HEBP2: variants seen among roughly 807,000 people sequenced by gnomAD.
HEBP2 encodes heme-binding protein 2.
HEBP2 carries 27 observed loss-of-function variants against 23.1 expected under a neutral mutation model. That is an observed-to-expected ratio of 1.17 (90% CI 0.86 to 1.61). The LOEUF (loss-of-function observed/expected upper bound fraction) is 1.61. Ranked by LOEUF, HEBP2 falls within the 40% of genes most tolerant of loss-of-function variation. The pLI is 0.00. For synonymous variants in HEBP2, 99 were observed against 95.1 expected, an observed-to-expected ratio of 1.04 and a Z score of -0.24; for missense variants, 245 against 253.8, an observed-to-expected ratio of 0.97 and a Z score of 0.24.
chr6:138,415,963 G>A lies in HEBP2; in HGVS notation c.*2885G>A, dbSNP rs1774835064. The A allele has an allele frequency of 6.6e-6, 1 of 152,270 alleles. No homozygotes were observed. The highest frequency in any genetic ancestry group is 1.5e-5 in the Non-Finnish European group (1 of 68,136). The allele number at this position is 152,270 out of a possible 1,614,324, so 9.4% of individuals were successfully genotyped here. On this transcript the variant is annotated 3_prime_UTR_variant, in exon 4 of 4. Coordinates refer to ENST00000607197, the MANE Select transcript of HEBP2 (RefSeq NM_014320.3). ...CCATGAAGCAAAAGGTGTCCCTCAG[G>A]ACTGGTCCCTCCCCTTCTCCTGGCT...
At chr6:138,404,170 G>T, upstream of HEBP2, 2 of 245,494 alleles carry the variant, frequency 8.1e-6, no homozygotes, top group Non-Finnish European at 1.5e-5. Context: ...AAACAAAGGC[G>T]GGGCGGGGGC....
intron 3 of HEBP2, among the ~76,000 whole-genome samples, chr6:138,412,462 T>C (rs534548354): frequency 6.6e-6 from 1 of 152,236 alleles, no homozygotes; most frequent in African/African-American, 2.4e-5. Flanking sequence ...TTTTTATTTT[T>C]ATTTTTTGAG....
chr6:138,410,015 C>T (rs905506652), intron 3 of HEBP2, among the ~76,000 whole-genome samples: 1 of 152,192 alleles, frequency 6.6e-6, no homozygotes, highest in Non-Finnish European at 1.5e-5. Flanking sequence ...CTCTAGTACT[C>T]TCTTTTTCCT....
chr6:138,403,598 G>C (rs1423645571), upstream of HEBP2: 1 of 458,830 alleles, frequency 2.2e-6, no homozygotes, highest in East Asian at 3.5e-5. Flanking sequence ...GAGCCGTGCC[G>C]GGTCCCCGCC....
At position 138,413,209 on chromosome 6, in the gene HEBP2, A is replaced by AATG; in HGVS notation, c.*132_*134dup. 1.4e-6 allele frequency: 1 copy of AATG among 694,994 alleles called. No individual in the cohort carries two copies. The highest frequency in any genetic ancestry group is 1.8e-5 in the African/African-American group (1 of 55,544). The allele number at this position is 694,994 out of a possible 1,614,324, so 43.1% of individuals were successfully genotyped here. A position where few individuals can be genotyped will look rare whatever the true frequency, so the allele number is the denominator to read the frequency against. On this transcript the variant is annotated 3_prime_UTR_variant, in exon 4 of 4. Transcript: ENST00000607197. ...ACTACTATTAATTAAGCTTATTTCCAATGTGCCTTTTTAATGCTTGAAGTT... is the reference window on the plus strand; with the variant it reads ...ACTACTATTAATTAAGCTTATTTCCAATGATGTGCCTTTTTAATGCTTGAAGTT...
At position 138,421,064 on chromosome 6, in the gene HEBP2, T is replaced by A. The variant is rs1306914459; in HGVS notation, c.*7986T>A. On this transcript the variant is annotated 3_prime_UTR_variant, in exon 4 of 4. Coordinates refer to ENST00000607197, the MANE Select transcript of HEBP2 (RefSeq NM_014320.3). Reference sequence around the variant, plus strand: ...TGGAAGGTAGGTCAGAGCAGGCAACTGAGAGAAACTGTATTACAGTTACCG... The same window carrying A: ...TGGAAGGTAGGTCAGAGCAGGCAACAGAGAGAAACTGTATTACAGTTACCG... The A allele has an allele frequency of 6.6e-6, 1 of 152,184 alleles. No individual in the cohort carries two copies. The highest frequency in any genetic ancestry group is 1.5e-5 in the Non-Finnish European group (1 of 68,042). The allele number at this position is 152,184 out of a possible 1,614,324, so 9.4% of individuals were successfully genotyped here. A position where few individuals can be genotyped will look rare whatever the true frequency, so the allele number is the denominator to read the frequency against.
At position 138,404,471 on chromosome 6, in the gene HEBP2, G is replaced by A. The variant is rs1185446478; in HGVS notation, c.-25G>A. ...TGCGGGGCCTCTGCGCGGCTGACCA[G>A]GCTCCCAGAGCGTCAGCGCCGCCCA... On this transcript the variant is annotated 5_prime_UTR_variant, in exon 1 of 4. Coordinates refer to ENST00000607197, the MANE Select transcript of HEBP2 (RefSeq NM_014320.3). 3 of 1,256,218 alleles carry A rather than the reference G, an allele frequency of 2.4e-6. No individual in the cohort carries two copies. Among genetic ancestry groups the A allele is most frequent in the Non-Finnish European group, 3.0e-6 (3 of 1,000,684 alleles). 77.8% of individuals were successfully genotyped at this position (1,256,218 alleles called of 1,614,324 possible).
chr6:138,404,033 C>G (rs1269374328), upstream of HEBP2, among the ~76,000 whole-genome samples: 1 of 151,870 alleles, frequency 6.6e-6, no homozygotes, highest in East Asian at 1.9e-4. Context: ...GGGACACCCT[C>G]GAGGCGGCTC....
chr6:138,404,363 C>T lies in HEBP2; in HGVS notation c.-133C>T, dbSNP rs969355608. ...ATCGGGTGGGCTCGGGTCTCCAGCC[C>T]GGCCGGGAGGAGGGACCGGGTCTGC... On this transcript the variant is annotated 5_prime_UTR_variant, in exon 1 of 4. Transcript: ENST00000607197. The T allele has an allele frequency of 8.2e-5, 43 of 521,720 alleles. No homozygotes were observed. The highest frequency in any genetic ancestry group is 1.1e-4 in the Non-Finnish European group (39 of 352,870). The allele number at this position is 521,720 out of a possible 1,614,324, so 32.3% of individuals were successfully genotyped here. A position where few individuals can be genotyped will look rare whatever the true frequency, so the allele number is the denominator to read the frequency against.
upstream of HEBP2, chr6:138,403,611 AG>A: frequency 2.2e-6 from 1 of 455,686 alleles, no homozygotes; most frequent in Non-Finnish European, 3.9e-6. Context: ...TCCCCGCCGC[AG>A]GGGACAGTAA....
In HEBP2 at chr6:138,415,402, A is replaced by C. The variant is rs1262642735; in HGVS notation, c.*2324A>C. ...ACAAGAAGGCTGTCCAGTGATGAAGACTTCAGATGAAATGGCATGCTGGTG... is the reference window on the plus strand; with the variant it reads ...ACAAGAAGGCTGTCCAGTGATGAAGCCTTCAGATGAAATGGCATGCTGGTG... On this transcript the variant is annotated 3_prime_UTR_variant, in exon 4 of 4. Transcript: ENST00000607197. 2.0e-5 allele frequency: 3 copies of C among 152,190 alleles called. No individual in the cohort carries two copies. Among genetic ancestry groups the C allele is most frequent in the Non-Finnish European group, 4.4e-5 (3 of 68,058 alleles). 9.4% of individuals were successfully genotyped at this position (152,190 alleles called of 1,614,324 possible). A position where few individuals can be genotyped will look rare whatever the true frequency, so the allele number is the denominator to read the frequency against.
Position 138,406,219 on chromosome 6 carries a change from C to T in HEBP2, c.419+68C>T, listed in dbSNP as rs1242565290. ...ACTTGCGTGCACTCACAGTTTAGCT[C>T]CAATGCAATTTCAAAAGGCTTTTTC... On this transcript the variant is annotated intron_variant, in intron 3 of 3. Coordinates refer to ENST00000607197, the MANE Select transcript of HEBP2 (RefSeq NM_014320.3). 9 of 1,375,364 alleles carry T rather than the reference C, an allele frequency of 6.5e-6. No homozygotes were observed. The East Asian group carries it at 2.1e-4, about 32-fold the overall frequency. The allele number at this position is 1,375,364 out of a possible 1,614,324, so 85.2% of individuals were successfully genotyped here.
Position 138,405,233 on chromosome 6 carries a change from C to G in HEBP2, c.191C>G (p.Thr64Arg). The G allele has an allele frequency of 6.2e-7, 1 of 1,614,154 alleles. No individual in the cohort carries two copies. Among genetic ancestry groups the G allele is most frequent in the South Asian group, 1.1e-5 (1 of 91,080 alleles). Residue 64 changes from threonine (T) to arginine (R), a missense_variant, in exon 2 of 4, where the codon ACG (threonine) becomes AGG (arginine). Coordinates refer to ENST00000607197, the MANE Select transcript of HEBP2 (RefSeq NM_014320.3). Reference protein sequence around the residue: ...ESMDWDSAIQTGFTKLNSYIQ... With the variant: ...ESMDWDSAIQRGFTKLNSYIQ... ...ATGGACTGGGATTCAGCCATCCAGACGGGCTTTACGAAACTGAACAGCTAC... is the reference window on the plus strand; with the variant it reads ...ATGGACTGGGATTCAGCCATCCAGAGGGGCTTTACGAAACTGAACAGCTAC...
At position 138,413,018 on chromosome 6, in the gene HEBP2, T is replaced by C; in HGVS notation, c.558T>C (p.Leu186=). The change falls in exon 4 of 4, where the codon CTT becomes CTC. Residue 186 remains leucine (L), a synonymous_variant. Coordinates refer to ENST00000607197, the MANE Select transcript of HEBP2 (RefSeq NM_014320.3). ...GCTACAACAGTCCTGTCAAATTGCT[T>C]AATAGAAATAATGAAGTGTGGTTGA... ...TAGYNSPVKL[L]NRNNEVWLIQ... 6.2e-7 allele frequency: 1 copy of C among 1,613,974 alleles called. No homozygotes were observed. Among genetic ancestry groups the C allele is most frequent in the African/African-American group, 1.3e-5 (1 of 75,034 alleles).
Position 138,417,605 on chromosome 6 carries a change from G to A in HEBP2, c.*4527G>A, listed in dbSNP as rs1377836750. On this transcript the variant is annotated 3_prime_UTR_variant, in exon 4 of 4. Coordinates refer to ENST00000607197, the MANE Select transcript of HEBP2 (RefSeq NM_014320.3). ...GTTTCTAGGCAGCAAAGCAGGGAGA[G>A]GGAAGCCAGAGACCAGTGGTCCTGC... 5 of 152,534 alleles carry A rather than the reference G, an allele frequency of 3.3e-5. No homozygotes were observed. The highest frequency in any genetic ancestry group is 3.3e-4 in the Admixed American group (5 of 15,298). 9.4% of individuals were successfully genotyped at this position (152,534 alleles called of 1,614,324 possible).
Position 138,413,244 on chromosome 6 carries a change from TACAC to T in HEBP2, c.*168_*171del. 1 of 602,262 alleles carries T rather than the reference TACAC, an allele frequency of 1.7e-6. No individual in the cohort carries two copies. 37.3% of individuals were successfully genotyped at this position (602,262 alleles called of 1,614,324 possible). On this transcript the variant is annotated 3_prime_UTR_variant, in exon 4 of 4. Transcript: ENST00000607197. Reference sequence around the variant, plus strand: ...TTTAATGCTTGAAGTTTTATCTACATACACAGGTAACAGAGGACAGTAGTCTGTA... The same window carrying T: ...TTTAATGCTTGAAGTTTTATCTACATAGGTAACAGAGGACAGTAGTCTGTA...
At position 138,404,268 on chromosome 6, in the gene HEBP2, G is replaced by C. The variant is rs1181172554; in HGVS notation, c.-228G>C. 6.2e-6 allele frequency: 2 copies of C among 323,854 alleles called. No individual in the cohort carries two copies. Among genetic ancestry groups the C allele is most frequent in the Non-Finnish European group, 1.1e-5 (2 of 178,510 alleles). 20.1% of individuals were successfully genotyped at this position (323,854 alleles called of 1,614,324 possible). ...GGGGGCAGGACGCGCAACTCCGGCC[G>C]GAGCTGTCCGGGGTCGTGAGCCGGC... On this transcript the variant is annotated 5_prime_UTR_variant, in exon 1 of 4. Coordinates refer to ENST00000607197, the MANE Select transcript of HEBP2 (RefSeq NM_014320.3).
At position 138,413,157 on chromosome 6, in the gene HEBP2, G is replaced by C; in HGVS notation, c.*79G>C. The C allele has an allele frequency of 3.7e-6, 4 of 1,092,074 alleles. No individual in the cohort carries two copies. In the South Asian group the frequency reaches 4.1e-5, roughly 11 times the overall value. 67.6% of individuals were successfully genotyped at this position (1,092,074 alleles called of 1,614,324 possible). ...CATCAACATGACCTATAAGTAAAGT[G>C]CGTGTCTAGTGTCTTCTATTGAGAG... On this transcript the variant is annotated 3_prime_UTR_variant, in exon 4 of 4. Coordinates refer to ENST00000607197, the MANE Select transcript of HEBP2 (RefSeq NM_014320.3).
chr6:138,404,957 AGGAGGGGAACCTCGT>A (rs905275340), intron 1 of HEBP2, among the ~76,000 whole-genome samples, 173 bp from the exon 2 acceptor site: 3 of 151,774 alleles, frequency 2.0e-5, no homozygotes, highest in African/African-American at 4.8e-5. Flanking sequence ...CCTAATCGCA[AGGAGGGGAACCTCGT>A]GGAGGGGAAC....
Sources: allele counts gnomAD v4.1 joint callset (sites outside exome capture counted in the v4.1 genomes callset), GRCh38; gene constraint gnomAD v4.1.1; transcripts MANE v1.5; gene names NCBI Gene and HGNC (gene_info 2026-07-23, HGNC 2026-07-21).